The following NAALAD2 variants were observed in gnomAD, a reference collection of about 807,000 sequenced individuals.
NAALAD2 encodes the protein N-acetylated alpha-linked acidic dipeptidase 2.
NAALAD2 carries 89 observed loss-of-function variants against 95.6 expected under a neutral mutation model. The ratio of observed to expected loss-of-function variants is 0.93; its 90% CI spans 0.78 to 1.11. The LOEUF (loss-of-function observed/expected upper bound fraction) is 1.11, where lower values mean the gene tolerates loss of function less well. Ranked by LOEUF, NAALAD2 falls within the 50% of genes least tolerant of loss-of-function variation. The pLI is 0.00. For missense variants in NAALAD2, 894 were observed against 872.4 expected (o/e 1.02, Z -0.31); for synonymous variants, 264 against 294.4 (o/e 0.90, Z 1.06).
intron 9 of NAALAD2, 114 bp from the exon 10 acceptor site, chr11:90,163,196 T>C (rs1952344061): frequency 7.9e-7 from 1 of 1,272,608 alleles, no homozygotes; most frequent in Non-Finnish European, 1.1e-6. Context: ...TACTTTATAG[T>C]GTTGTCTTCT....
chr11:90,167,759 A>G (rs1565535214), intron 11 of NAALAD2, among the ~76,000 whole-genome samples: 2 of 151,942 alleles, frequency 1.3e-5, no homozygotes, highest in Non-Finnish European at 2.9e-5. Context: ...CACACTCTAT[A>G]TCTAGCTAAT....
chr11:90,177,820 T>A, intron 15 of NAALAD2, 33 bp from the exon 16 acceptor site: 1 of 1,553,280 alleles, frequency 6.4e-7, no homozygotes, highest in Non-Finnish European at 8.7e-7. Flanking sequence ...TATTTAATGT[T>A]TATTTATACT....
chr11:90,143,403 A>C (rs1951671545), intron 2 of NAALAD2, among the ~76,000 whole-genome samples: 1 of 152,158 alleles, frequency 6.6e-6, no homozygotes, highest in South Asian at 2.1e-4. Context: ...TTAGAACTTT[A>C]AATGTTTCAC....
chr11:90,177,624 T>TTTTTTTTTTTTTTTTTTA (rs1952839687), intron 15 of NAALAD2, among the ~76,000 whole-genome samples: 1 of 101,692 alleles, frequency 9.8e-6, no homozygotes, highest in African/African-American at 3.9e-5. Flanking sequence ...TTTTTTTTTT[T>TTTTTTTTTTTTTTTTTTA]GTATTTTTAG....
At chr11:90,169,789 C>T (rs1160954836) in intron 12 of NAALAD2, 2 of 346,938 alleles carry the variant, frequency 5.8e-6, no homozygotes, top group African/African-American at 4.3e-5. Context: ...GCCAAAGTGC[C>T]CCTAAGAATT....
intron 11 of NAALAD2, among the ~76,000 whole-genome samples, chr11:90,165,932 A>T (rs1176402940): frequency 6.6e-6 from 1 of 152,230 alleles, no homozygotes; most frequent in Non-Finnish European, 1.5e-5. Context: ...AAACATGTGC[A>T]TTAAAAGGCA....
chr11:90,152,828 AATAG>A (rs1294157741), intron 6 of NAALAD2, among the ~76,000 whole-genome samples: 12 of 152,086 alleles, frequency 7.9e-5, no homozygotes, highest in Admixed American at 2.0e-4. Context: ...TTAAAAATAC[AATAG>A]ATAGATTGAA....
At chr11:90,133,743 A>G (rs1271053101), upstream of NAALAD2, among the ~76,000 whole-genome samples, 1 of 152,238 alleles carries the variant, frequency 6.6e-6, no homozygotes, top group East Asian at 1.9e-4. Flanking sequence ...GAGAGTTTGT[A>G]ACAGAAGGCT....
intron 16 of NAALAD2, among the ~76,000 whole-genome samples, chr11:90,180,027 C>A (rs895743560): frequency 1.3e-5 from 2 of 151,920 alleles, no homozygotes; most frequent in African/African-American, 2.4e-5. Context: ...AGAAACAGTT[C>A]CTGAGAAAAT....
At chr11:90,150,644 G>GAT (rs750032177) in intron 5 of NAALAD2, 37 bp downstream of exon 5, 14 of 1,508,174 alleles carry the variant, frequency 9.3e-6, no homozygotes, top group South Asian at 6.4e-5. Flanking sequence ...AGAATGAGAG[G>GAT]ATATATATAT....
chr11:90,180,461 A>T (rs1952927961), intron 16 of NAALAD2, among the ~76,000 whole-genome samples: 1 of 152,110 alleles, frequency 6.6e-6, no homozygotes, highest in East Asian at 1.9e-4. Flanking sequence ...GAATATACTT[A>T]TACTGAATGT....
intron 3 of NAALAD2, 36 bp from the exon 4 acceptor site, chr11:90,148,970 A>G: frequency 3.8e-6 from 5 of 1,324,036 alleles, no homozygotes; most frequent in Non-Finnish European, 5.4e-6. Flanking sequence ...AATAATCTGG[A>G]ATTTTTCTAA....
At chr11:90,166,563 C>T (rs565241226) in intron 11 of NAALAD2, among the ~76,000 whole-genome samples, 11 of 152,298 alleles carry the variant, frequency 7.2e-5, no homozygotes, top group South Asian at 6.2e-4. Context: ...TGGCTGGGCG[C>T]GGTGGCTCAC....
At chr11:90,156,186 G>T (rs143198651) in intron 6 of NAALAD2, among the ~76,000 whole-genome samples, 2 of 151,612 alleles carry the variant, frequency 1.3e-5, no homozygotes, top group Non-Finnish European at 2.9e-5. Context: ...ACTAGCTTTG[G>T]GTTTCATTGA....
chr11:90,160,514 G>C (rs1455398141), intron 8 of NAALAD2, among the ~76,000 whole-genome samples: 2 of 152,128 alleles, frequency 1.3e-5, no homozygotes, highest in Non-Finnish European at 2.9e-5. Flanking sequence ...TAAAGTATTA[G>C]AAGTCCAATT....
chr11:90,145,206 T>C (rs1951720952), intron 2 of NAALAD2, among the ~76,000 whole-genome samples: 2 of 152,200 alleles, frequency 1.3e-5, no homozygotes, highest in African/African-American at 4.8e-5. Context: ...TTTGTACTTG[T>C]TTCTCCTGAA....
In NAALAD2 at chr11:90,159,249, G is replaced by A; in HGVS notation, c.901G>A (p.Gly301Arg). 1 of 1,612,738 alleles carries A rather than the reference G, an allele frequency of 6.2e-7. No homozygotes were observed. Among genetic ancestry groups the A allele is most frequent in the East Asian group, 2.2e-5 (1 of 44,818 alleles). Reference protein sequence around the residue: ...DAEILLRYLGGIAPPDKSWKG... With the variant: ...DAEILLRYLGRIAPPDKSWKG... ...ATTTTATTTTGTCAGCTACTTGGGA[G>A]GAATTGCTCCACCAGATAAGAGTTG... Residue 301 changes from glycine (G) to arginine (R), a missense_variant, in exon 8 of 19, where the codon GGA becomes AGA. Coordinates refer to ENST00000534061, the MANE Select transcript of NAALAD2 (RefSeq NM_005467.4).
At position 90,135,556 on chromosome 11, in the gene NAALAD2, T is replaced by C; in HGVS notation, c.83-3T>C. The C allele has an allele frequency of 6.2e-7, 1 of 1,603,372 alleles. No individual in the cohort carries two copies. The highest frequency in any genetic ancestry group is 8.5e-7 in the Non-Finnish European group (1 of 1,174,002). On this transcript the variant is annotated splice_polypyrimidine_tract_variant and splice_region_variant and intron_variant, in intron 1 of 18. Coordinates refer to ENST00000534061, the MANE Select transcript of NAALAD2 (RefSeq NM_005467.4). ...TGCATGTTTGTGTATTTTTTTTCCT[T>C]AGGCTGGTTTATTAAGCCTCTCAAA...
At chr11:90,137,570 A>C (rs1951482905) in intron 2 of NAALAD2, among the ~76,000 whole-genome samples, 1 of 151,962 alleles carries the variant, frequency 6.6e-6, no homozygotes, top group South Asian at 2.1e-4. Context: ...ATTTAGATAT[A>C]AGTTGTTTTC....
Sources: gnomAD v4.1 joint callset for allele counts (sites outside exome capture counted in the v4.1 genomes callset) on GRCh38, gnomAD v4.1.1 for gene constraint, MANE v1.5 for transcripts, NCBI Gene and HGNC (gene_info 2026-07-23, HGNC 2026-07-21) for gene names.